Variants in PPP1R12A observed in about 807,000 individuals in gnomAD.
PPP1R12A encodes the protein myosin binding subunit.
Under a neutral mutation model 139.6 loss-of-function variants are expected in PPP1R12A, and 19 were observed. That is an observed-to-expected ratio of 0.14 (90% CI 0.09 to 0.20). The LOEUF (loss-of-function observed/expected upper bound fraction) is 0.20. PPP1R12A is among the 10% of genes least tolerant of loss of function. The pLI, the probability that PPP1R12A is intolerant of heterozygous loss-of-function variation, is 1.00. For synonymous variants in PPP1R12A, 427 were observed against 420.6 expected (o/e 1.02, Z -0.19); for missense variants, 925 against 1,211.5 (o/e 0.76, Z 3.51).
At chr12:79,919,279 G>A (rs60347385) in intron 1 of PPP1R12A, among the ~76,000 whole-genome samples, 66 of 151,516 alleles carry the variant, frequency 4.4e-4, no homozygotes, top group African/African-American at 1.2e-3. Context: ...CTTCTCAGCC[G>A]GGCGCGGTGG....
At chr12:79,932,503 T>C (rs1176132525) in intron 1 of PPP1R12A, among the ~76,000 whole-genome samples, 1 of 152,176 alleles carries the variant, frequency 6.6e-6, no homozygotes, top group Non-Finnish European at 1.5e-5. Context: ...GGAAAAATGT[T>C]ATGGAAAAGG....
intron 20 of PPP1R12A, among the ~76,000 whole-genome samples, chr12:79,789,064 G>A (rs1483425258): frequency 6.6e-6 from 1 of 152,018 alleles, no homozygotes; most frequent in Non-Finnish European, 1.5e-5. Flanking sequence ...AGCCTCCTGG[G>A]TTGCTGGGAC....
At chr12:79,799,982 G>A (rs1331620949) in intron 14 of PPP1R12A, among the ~76,000 whole-genome samples, 4 of 151,954 alleles carry the variant, frequency 2.6e-5, no homozygotes, top group Non-Finnish European at 5.9e-5. Context: ...CGCAGCGTGG[G>A]TGACAGAATT....
intron 4 of PPP1R12A, 128 bp downstream of exon 4, chr12:79,832,204 C>T: frequency 3.6e-6 from 3 of 823,688 alleles, no homozygotes; most frequent in Non-Finnish European, 5.2e-6. Context: ...CTCTTTCTTC[C>T]TGAAAACAGG....
rs1339915462 is a variant in PPP1R12A, at chr12:79,779,142, T to C, written c.2956-542A>G. ...TGTAGCATTAATGCAGTGAATGTAA[T>C]AGAAAAGCAACTGCAGCGTTTATTT... On this transcript the variant is annotated intron_variant, in intron 23 of 24. Transcript: ENST00000450142. The C allele has an allele frequency of 3.3e-5, 13 of 395,152 alleles. No individual in the cohort carries two copies. In the East Asian group the frequency reaches 5.1e-4, roughly 15 times the overall value. The allele number at this position is 395,152 out of a possible 1,614,324, so 24.5% of individuals were successfully genotyped here. A position where few individuals can be genotyped will look rare whatever the true frequency, so the allele number is the denominator to read the frequency against.
At chr12:79,906,842 C>T (rs1001569434) in intron 1 of PPP1R12A, among the ~76,000 whole-genome samples, 4 of 152,054 alleles carry the variant, frequency 2.6e-5, no homozygotes, top group African/African-American at 7.2e-5. Context: ...GAAAGGATTT[C>T]GCCATGTTGA....
intron 24 of PPP1R12A, chr12:79,777,406 T>G (rs1333950290): frequency 2.0e-6 from 2 of 984,740 alleles, no homozygotes; most frequent in Admixed American, 1.2e-4. Context: ...AGTTATATGA[T>G]ATGCTCCAGA....
intron 2 of PPP1R12A, among the ~76,000 whole-genome samples, chr12:79,871,444 T>C (rs1341468738): frequency 2.0e-5 from 3 of 152,090 alleles, no homozygotes; most frequent in African/African-American, 7.2e-5. Flanking sequence ...ATACAAAAGG[T>C]AATGGTCAAA....
chr12:79,831,534 G>A (rs1417408691), intron 4 of PPP1R12A, among the ~76,000 whole-genome samples: 2 of 152,190 alleles, frequency 1.3e-5, no homozygotes, highest in African/African-American at 4.8e-5. Context: ...GGAAACTTGG[G>A]AAAGGTGACT....
chr12:79,928,541 A>G (rs1431330646), intron 1 of PPP1R12A, among the ~76,000 whole-genome samples: 2 of 152,232 alleles, frequency 1.3e-5, no homozygotes, highest in Non-Finnish European at 2.9e-5. Context: ...AGCTTTTCTA[A>G]AAAGAAAACT....
intron 1 of PPP1R12A, among the ~76,000 whole-genome samples, chr12:79,905,026 T>C (rs1470808273): frequency 6.6e-6 from 1 of 152,220 alleles, no homozygotes; most frequent in Non-Finnish European, 1.5e-5. Flanking sequence ...ACACTTTATA[T>C]TGTAATCAAT....
intron 9 of PPP1R12A, among the ~76,000 whole-genome samples, chr12:79,812,432 A>T (rs1311600068): frequency 1.0e-5 from 1 of 98,512 alleles, no homozygotes; most frequent in Admixed American, 1.0e-4. Flanking sequence ...AACGTTCCTT[A>T]TACAGGCTGT....
chr12:79,844,027 CAT>C (rs1879095882), intron 3 of PPP1R12A, among the ~76,000 whole-genome samples: 1 of 152,020 alleles, frequency 6.6e-6, no homozygotes, highest in Non-Finnish European at 1.5e-5. Flanking sequence ...TATATACATA[CAT>C]ATATATACAC....
At chr12:79,811,948 T>C (rs558971490) in intron 9 of PPP1R12A, among the ~76,000 whole-genome samples, 21 of 152,318 alleles carry the variant, frequency 1.4e-4, no homozygotes, top group African/African-American at 4.1e-4. Flanking sequence ...TTTATTGTTA[T>C]AAATGAAGCT....
intron 2 of PPP1R12A, among the ~76,000 whole-genome samples, chr12:79,856,875 G>T (rs973201511): frequency 6.6e-6 from 1 of 152,162 alleles, no homozygotes; most frequent in Non-Finnish European, 1.5e-5. Context: ...TAGCAGAAGT[G>T]GCCTATTAGC....
At chr12:79,854,097 G>A (rs1880353584) in intron 2 of PPP1R12A, among the ~76,000 whole-genome samples, 1 of 152,142 alleles carries the variant, frequency 6.6e-6, no homozygotes, top group Non-Finnish European at 1.5e-5. Flanking sequence ...ATATTTTATG[G>A]TAAGATCAAG....
chr12:79,914,882 T>TA (rs1886869336), intron 1 of PPP1R12A, among the ~76,000 whole-genome samples: 1 of 152,034 alleles, frequency 6.6e-6, no homozygotes, highest in Non-Finnish European at 1.5e-5. Context: ...CTGGATTTGT[T>TA]AGAAACAATA....
At position 79,879,323 on chromosome 12, in the gene PPP1R12A, C is replaced by T. The variant is rs565937588; in HGVS notation, c.238-6385G>A. Among the ~76,000 whole-genome samples, 19 of 152,060 alleles carry T rather than the reference C, an allele frequency of 1.2e-4. 1 individual carries two copies. The South Asian group carries it at 1.5e-3, about 12-fold the overall frequency. ...CGGAGGTTGCAGTGAGCCAAGATCACGCTACTGAGCTCCAAGCCTGAGCAA... is the reference window on the plus strand; with the variant it reads ...CGGAGGTTGCAGTGAGCCAAGATCATGCTACTGAGCTCCAAGCCTGAGCAA... On this transcript the variant is annotated intron_variant, in intron 1 of 24. Transcript: ENST00000450142.
chr12:79,785,619 T>C lies in PPP1R12A; in HGVS notation c.2907+755A>G, dbSNP rs552357066. Among the ~76,000 whole-genome samples the C allele has an allele frequency of 1.1e-4, 16 of 152,266 alleles. 1 individual carries two copies. The highest frequency in any genetic ancestry group is 6.8e-3 in the Middle Eastern group (2 of 294). On this transcript the variant is annotated intron_variant, in intron 22 of 24. Transcript: ENST00000450142. The stretch of plus-strand genomic sequence containing the variant: ...TATGCTAGAAAGTCCCAGGTTAAAA[T>C]TGAACACATTTGTTTTCTTAAAAAT...
Sources: gnomAD v4.1 joint callset for allele counts (sites outside exome capture counted in the v4.1 genomes callset) on GRCh38, gnomAD v4.1.1 for gene constraint, MANE v1.5 for transcripts, NCBI Gene and HGNC (gene_info 2026-07-23, HGNC 2026-07-21) for gene names.